Variants in ADGRL3 observed in about 807,000 individuals in gnomAD.
The protein encoded by ADGRL3 is calcium-independent alpha-latrotoxin receptor 3.
Under a neutral mutation model 153.5 loss-of-function variants are expected in ADGRL3, and 62 were observed. The observed-to-expected ratio is 0.40, with a 90% CI of 0.33 to 0.50. The LOEUF is 0.50. Ranked by LOEUF, ADGRL3 falls within the 20% of genes least tolerant of loss-of-function variation. ADGRL3 has a pLI of 0.47. For synonymous variants in ADGRL3, 710 were observed against 672.5 expected (o/e 1.06, Z -0.86); for missense variants, 1,641 against 1,859.4 (o/e 0.88, Z 2.16).
chr4:61,985,248 A>G (rs956911744), intron 19 of ADGRL3, among the ~76,000 whole-genome samples: 1 of 149,754 alleles, frequency 6.7e-6, no homozygotes, highest in Admixed American at 6.7e-5. Flanking sequence ...TATTTCAAAT[A>G]AACTAGGATT....
At chr4:61,998,144 T>C (rs755617983) in intron 20 of ADGRL3, 30 bp from the exon 21 acceptor site, 2 of 1,246,566 alleles carry the variant, frequency 1.6e-6, no homozygotes, top group Non-Finnish European at 2.2e-6. Context: ...ACTCCAATTA[T>C]GCTACATAAC....
chr4:61,355,705 T>C (rs951782386), intron 1 of ADGRL3, among the ~76,000 whole-genome samples: 1 of 152,114 alleles, frequency 6.6e-6, no homozygotes, highest in Non-Finnish European at 1.5e-5. Context: ...ATGTAGATAG[T>C]GTCTAGTTGT....
chr4:61,586,689 T>C (rs1497905), intron 4 of ADGRL3, among the ~76,000 whole-genome samples: 151,467 of 152,118 alleles, frequency 1, 75,416 homozygotes, highest in Middle Eastern at 1. Context: ...TTCCTCCAAA[T>C]GAATCTCCAT....
intron 4 of ADGRL3, among the ~76,000 whole-genome samples, chr4:61,530,490 T>C (rs1001950919): frequency 6.6e-6 from 1 of 152,152 alleles, no homozygotes; most frequent in Non-Finnish European, 1.5e-5. Flanking sequence ...GAAAGCTCCA[T>C]GGCTCAGTGC....
At chr4:61,899,721 A>G (rs781060730) in intron 11 of ADGRL3, among the ~76,000 whole-genome samples, 2 of 152,136 alleles carry the variant, frequency 1.3e-5, no homozygotes, top group African/African-American at 2.4e-5. Flanking sequence ...TATATTTACT[A>G]TGGTTCTGGA....
intron 8 of ADGRL3, among the ~76,000 whole-genome samples, chr4:61,778,257 A>C (rs1212452230): frequency 6.6e-6 from 1 of 152,248 alleles, no homozygotes; most frequent in Non-Finnish European, 1.5e-5. Context: ...CAACTATTCC[A>C]AACTCTGGAA....
At chr4:61,646,570 C>G (rs1203705161) in intron 5 of ADGRL3, among the ~76,000 whole-genome samples, 1 of 151,162 alleles carries the variant, frequency 6.6e-6, no homozygotes, top group Non-Finnish European at 1.5e-5. Flanking sequence ...CTGAGGGGTG[C>G]CTCCCAGTTA....
At chr4:61,611,289 G>T (rs960357027) in intron 5 of ADGRL3, among the ~76,000 whole-genome samples, 1 of 152,070 alleles carries the variant, frequency 6.6e-6, no homozygotes, top group Non-Finnish European at 1.5e-5. Flanking sequence ...GATCACCATT[G>T]CTTCCAGTCA....
chr4:61,358,548 G>A (rs1309936880), intron 1 of ADGRL3, among the ~76,000 whole-genome samples: 2 of 140,380 alleles, frequency 1.4e-5, no homozygotes, highest in African/African-American at 5.4e-5. Flanking sequence ...AGTGAGTGGA[G>A]ATCGTGCCAC....
At chr4:61,543,010 C>T (rs183843184) in intron 4 of ADGRL3, among the ~76,000 whole-genome samples, 27 of 152,292 alleles carry the variant, frequency 1.8e-4, no homozygotes, top group African/African-American at 6.5e-4. Context: ...TTTAGTCAGA[C>T]TCACAGAATT....
chr4:61,410,097 A>G (rs996363473), intron 2 of ADGRL3, among the ~76,000 whole-genome samples: 1 of 152,028 alleles, frequency 6.6e-6, no homozygotes, highest in African/African-American at 2.4e-5. Flanking sequence ...TTAAATTGTG[A>G]AAGTTTTTTT....
At chr4:61,796,225 G>A (rs1360224912) in intron 8 of ADGRL3, among the ~76,000 whole-genome samples, 1 of 152,180 alleles carries the variant, frequency 6.6e-6, no homozygotes, top group African/African-American at 2.4e-5. Flanking sequence ...CCCTGCACAT[G>A]CTGCCACCTC....
At chr4:61,758,123 G>T (rs79962500) in intron 8 of ADGRL3, among the ~76,000 whole-genome samples, 2 of 152,122 alleles carry the variant, frequency 1.3e-5, no homozygotes, top group Admixed American at 6.5e-5. Flanking sequence ...GAGTTCTGTA[G>T]ATGTCTATTA....
intron 1 of ADGRL3, among the ~76,000 whole-genome samples, chr4:61,214,928 A>C (rs749888642): frequency 3.2e-4 from 49 of 152,166 alleles, no homozygotes; most frequent in South Asian, 2.3e-3. Context: ...ACAGAGTGAG[A>C]CCTTGACTAT....
At chr4:61,739,292 T>G (rs1244997245) in intron 8 of ADGRL3, among the ~76,000 whole-genome samples, 1 of 150,488 alleles carries the variant, frequency 6.6e-6, no homozygotes, top group Non-Finnish European at 1.5e-5. Flanking sequence ...TTTAGTCAGT[T>G]TCTTCTACAA....
At chr4:62,014,484 TAA>T (rs2099202060) in intron 21 of ADGRL3, among the ~76,000 whole-genome samples, 2 of 152,176 alleles carry the variant, frequency 1.3e-5, no homozygotes, top group South Asian at 2.1e-4. Flanking sequence ...GAATAGCCTA[TAA>T]TACAAGTTTT....
chr4:61,319,980 T>A (rs1385300510), intron 1 of ADGRL3, among the ~76,000 whole-genome samples: 2 of 152,128 alleles, frequency 1.3e-5, no homozygotes, highest in Non-Finnish European at 1.5e-5. Flanking sequence ...GAGAAGGTGA[T>A]CATGGTTAAA....
chr4:61,430,994 G>C (rs534006594), intron 2 of ADGRL3, among the ~76,000 whole-genome samples: 2 of 152,326 alleles, frequency 1.3e-5, no homozygotes, highest in African/African-American at 4.8e-5. Flanking sequence ...AATAGTCATT[G>C]ATTGTTACTA....
chr4:61,744,978 G>A (rs148840986), intron 8 of ADGRL3, among the ~76,000 whole-genome samples: 13,168 of 152,034 alleles, frequency 0.087, 1,208 homozygotes, highest in African/African-American at 0.23. Context: ...AAAAATTTAG[G>A]CGAGTGTATA....
Sources: gnomAD v4.1 joint callset for allele counts (sites outside exome capture counted in the v4.1 genomes callset) on GRCh38, gnomAD v4.1.1 for gene constraint, MANE v1.5 for transcripts, NCBI Gene and HGNC (gene_info 2026-07-23, HGNC 2026-07-21) for gene names.